TEX101: variants seen among roughly 807,000 people sequenced by gnomAD.
TEX101 encodes testis-expressed protein 101.
TEX101 carries 10 observed loss-of-function variants against 18.1 expected under a neutral mutation model. The observed-to-expected ratio is 0.55, with a 90% CI of 0.34 to 0.94. The LOEUF is 0.94. Ranked by LOEUF, TEX101 falls within the 40% of genes least tolerant of loss-of-function variation. The pLI is 0.02. For missense variants in TEX101, 259 were observed against 298.9 expected, an observed-to-expected ratio of 0.87 and a Z score of 0.98; for synonymous variants, 94 against 114.8, an observed-to-expected ratio of 0.82 and a Z score of 1.16.
At chr19:43,413,497 A>C (rs1157905086), upstream of TEX101, among the ~76,000 whole-genome samples, 1 of 1,522 alleles carries the variant, frequency 6.6e-4, no homozygotes, top group Non-Finnish European at 1.2e-3. Flanking sequence ...GGGAGACTCC[A>C]AAAAAAAAAA....
chr19:43,401,585 G>A (rs1485951123), intron 1 of TEX101: 1 of 152,296 alleles, frequency 6.6e-6, no homozygotes, highest in Non-Finnish European at 1.5e-5. Context: ...GGCCGGGAGT[G>A]GTGGCTTGCG....
intron 2 of TEX101, 52 bp downstream of exon 2, chr19:43,416,035 T>A (rs1261564050): frequency 6.2e-7 from 1 of 1,611,482 alleles, no homozygotes; most frequent in Admixed American, 1.7e-5. Flanking sequence ...GGTGGACTGA[T>A]GATGAAAAGG....
chr19:43,401,837 C>CTCTG (rs1161612948), intron 1 of TEX101, among the ~76,000 whole-genome samples: 1 of 151,484 alleles, frequency 6.6e-6, no homozygotes, highest in African/African-American at 2.4e-5. Flanking sequence ...AACAGCAAAA[C>CTCTG]TCTGTCTCAA....
At chr19:43,413,150 C>T (rs1010804663), upstream of TEX101, among the ~76,000 whole-genome samples, 1 of 152,162 alleles carries the variant, frequency 6.6e-6, no homozygotes, top group African/African-American at 2.4e-5. Context: ...GTCACGTTTC[C>T]CACGCTTGCT....
At chr19:43,389,038 C>G in the TEX101 span, among the ~76,000 whole-genome samples, 1 of 152,154 alleles carries the variant, frequency 6.6e-6, no homozygotes, top group African/African-American at 2.4e-5. Context: ...CTTCCATGTG[C>G]TGATGCCTCT....
At chr19:43,394,179 CTTCT>C in the TEX101 span, among the ~76,000 whole-genome samples, 1 of 151,782 alleles carries the variant, frequency 6.6e-6, no homozygotes, top group Non-Finnish European at 1.5e-5. Context: ...CAGTTTTATG[CTTCT>C]TTTTTTCTTG....
chr19:43,416,333 C>T (rs531459425), intron 3 of TEX101, 40 bp from the exon 4 acceptor site: 16 of 1,592,122 alleles, frequency 1.0e-5, no homozygotes, highest in Admixed American at 5.1e-5. Flanking sequence ...CCAATTGTGA[C>T]GGCCACCATC....
At chr19:43,418,144 TC>T (rs768827755) in intron 5 of TEX101, 23 bp from the exon 6 acceptor site, 23 of 1,613,664 alleles carry the variant, frequency 1.4e-5, no homozygotes, top group Admixed American at 1.0e-4. Context: ...TCTCTGTCTC[TC>T]CCGATCCTTC....
upstream of TEX101, among the ~76,000 whole-genome samples, chr19:43,410,791 CAT>C (rs1275495830): frequency 2.0e-5 from 3 of 151,576 alleles, no homozygotes; most frequent in Non-Finnish European, 2.9e-5. Flanking sequence ...TATATACAGA[CAT>C]GTGCACACAC....
At chr19:43,393,138 G>A in the TEX101 span, among the ~76,000 whole-genome samples, 1 of 130,670 alleles carries the variant, frequency 7.7e-6, no homozygotes, top group African/African-American at 3.0e-5. Flanking sequence ...GTACCCATTG[G>A]TAGAGAGACA....
upstream of TEX101, among the ~76,000 whole-genome samples, chr19:43,414,215 A>T (rs935482163): frequency 6.6e-6 from 1 of 152,144 alleles, no homozygotes; most frequent in African/African-American, 2.4e-5. Flanking sequence ...ATGAGCAACA[A>T]ATCCGAGTGA....
At chr19:43,399,591 T>C (rs142484609), upstream of TEX101, among the ~76,000 whole-genome samples, 7 of 152,310 alleles carry the variant, frequency 4.6e-5, no homozygotes, top group Admixed American at 4.6e-4. Flanking sequence ...GTTACTGTGA[T>C]ACTTGATTAT....
intron 2 of TEX101, chr19:43,406,079 T>TAAAAAAAAA (rs1970358783): frequency 7.0e-5 from 2 of 28,618 alleles, no homozygotes; most frequent in African/African-American, 5.4e-4. Context: ...ACCCTGTCTC[T>TAAAAAAAAA]ACAAAAAAAA....
At chr19:43,391,563 C>T in the TEX101 span, among the ~76,000 whole-genome samples, 1 of 152,030 alleles carries the variant, frequency 6.6e-6, no homozygotes, top group Non-Finnish European at 1.5e-5. Context: ...TACATTTCCT[C>T]CTTTGTAATG....
At chr19:43,414,853 A>G, upstream of TEX101, 1 of 985,342 alleles carries the variant, frequency 1.0e-6, no homozygotes, top group East Asian at 1.1e-4. Context: ...TGGGGTTTCG[A>G]GTGCTGTGTG....
At chr19:43,413,940 G>A (rs923702826), upstream of TEX101, among the ~76,000 whole-genome samples, 6 of 151,600 alleles carry the variant, frequency 4.0e-5, no homozygotes, top group African/African-American at 1.5e-4. Flanking sequence ...GGGGGATAGA[G>A]AGAGGCTCTG....
chr19:43,393,359 C>T, the TEX101 span, among the ~76,000 whole-genome samples: 1 of 152,176 alleles, frequency 6.6e-6, no homozygotes, highest in Non-Finnish European at 1.5e-5. Flanking sequence ...AGCCTGCATC[C>T]CATCCATCGT....
the TEX101 span, among the ~76,000 whole-genome samples, chr19:43,390,624 C>T: frequency 2.6e-4 from 39 of 151,654 alleles, no homozygotes; most frequent in Admixed American, 5.3e-4. Flanking sequence ...CATGCCACCA[C>T]GCCCGGCTAA....
Position 43,401,646 on chromosome 19 carries a change from G to T in TEX101, c.-377+85G>T, listed in dbSNP as rs1028996839. 8 of 152,240 alleles carry T rather than the reference G, an allele frequency of 5.3e-5. No homozygotes were observed. The South Asian group carries it at 1.7e-3, about 31-fold the overall frequency. 9.4% of individuals were successfully genotyped at this position (152,240 alleles called of 1,614,324 possible). A position where few individuals can be genotyped will look rare whatever the true frequency, so the allele number is the denominator to read the frequency against. On this transcript the variant is annotated intron_variant, in intron 1 of 7. Coordinates refer to the TEX101 transcript ENST00000602198. ...CCAAGGCAGGCAGATCTGAGGTTGGGAGTTCGAGACCAACCTGACCAACAT... is the reference window on the plus strand; with the variant it reads ...CCAAGGCAGGCAGATCTGAGGTTGGTAGTTCGAGACCAACCTGACCAACAT...
Sources: gnomAD v4.1 joint callset for allele counts (sites outside exome capture counted in the v4.1 genomes callset) on GRCh38, gnomAD v4.1.1 for gene constraint, MANE v1.5 for transcripts, NCBI Gene and HGNC (gene_info 2026-07-23, HGNC 2026-07-21) for gene names.